PLXDC2: variants seen among roughly 807,000 people sequenced by gnomAD.
PLXDC2 encodes plexin domain containing 2.
In PLXDC2, 40 loss-of-function variants were observed where a neutral mutation model predicts 68.9. The observed-to-expected ratio is 0.58, with a 90% CI of 0.45 to 0.76. PLXDC2 has a LOEUF of 0.76. Ranked by LOEUF, PLXDC2 falls within the 30% of genes least tolerant of loss-of-function variation. The pLI is 0.00. For synonymous variants in PLXDC2, 243 were observed against 234.2 expected, an observed-to-expected ratio of 1.04 and a Z score of -0.34; for missense variants, 644 against 661.9, an observed-to-expected ratio of 0.97 and a Z score of 0.30.
In PLXDC2 at chr10:20,134,920, C is replaced by T. The variant is rs535954232; in HGVS notation, c.542-8375C>T. Among the ~76,000 whole-genome samples, 15 of 152,276 alleles carry T rather than the reference C, an allele frequency of 9.9e-5. No homozygotes were observed. In the South Asian group the frequency reaches 2.9e-3, roughly 29 times the overall value. On this transcript the variant is annotated intron_variant, in intron 4 of 13. Transcript: ENST00000377252. ...CTACAGCGAAACTTGGTGCTGCTCA[C>T]TTTACTCACCTGGAGGGTATATTTC...
At chr10:19,938,979 G>A (rs968178056) in intron 1 of PLXDC2, among the ~76,000 whole-genome samples, 1 of 152,090 alleles carries the variant, frequency 6.6e-6, no homozygotes, top group African/African-American at 2.4e-5. Context: ...GATAGAGTGG[G>A]CATGAAAAAA....
chr10:19,956,944 G>A (rs556186604), intron 1 of PLXDC2, among the ~76,000 whole-genome samples: 4 of 152,062 alleles, frequency 2.6e-5, no homozygotes, highest in African/African-American at 9.7e-5. Context: ...AGTGCTACTG[G>A]GAACAATTCT....
At chr10:20,112,028 C>T (rs1402382972) in intron 4 of PLXDC2, among the ~76,000 whole-genome samples, 1 of 152,046 alleles carries the variant, frequency 6.6e-6, no homozygotes. Context: ...TGCCCTCTTA[C>T]AAAGAGTCAT....
intron 4 of PLXDC2, among the ~76,000 whole-genome samples, chr10:20,120,903 GATGGAACCGCCATCA>G (rs1833688366): frequency 6.6e-6 from 1 of 152,178 alleles, no homozygotes; most frequent in Non-Finnish European, 1.5e-5. Flanking sequence ...AATTAGGCCT[GATGGAACCGCCATCA>G]ATAAATCAAG....
At chr10:20,194,439 A>G (rs2131842067) in intron 9 of PLXDC2, among the ~76,000 whole-genome samples, 1 of 152,156 alleles carries the variant, frequency 6.6e-6, no homozygotes, top group East Asian at 1.9e-4. Context: ...TTTGGTCAAA[A>G]TAAATTAATG....
At chr10:20,119,425 G>A (rs1455116668) in intron 4 of PLXDC2, among the ~76,000 whole-genome samples, 9 of 151,986 alleles carry the variant, frequency 5.9e-5, no homozygotes, top group Non-Finnish European at 1.3e-4. Flanking sequence ...GAGCTTGTGA[G>A]CCAGGATGAG....
intron 9 of PLXDC2, among the ~76,000 whole-genome samples, chr10:20,183,031 T>G (rs537973728): frequency 1.3e-5 from 2 of 152,140 alleles, no homozygotes; most frequent in Admixed American, 1.3e-4. Context: ...TTTCTTAGAT[T>G]TCTGTTTCAG....
At chr10:19,983,201 C>T (rs892286566) in intron 1 of PLXDC2, among the ~76,000 whole-genome samples, 3 of 152,046 alleles carry the variant, frequency 2.0e-5, no homozygotes, top group Non-Finnish European at 4.4e-5. Flanking sequence ...TTCTAATTAT[C>T]GGTAGTAGAT....
chr10:19,893,235 T>G (rs1004906447), intron 1 of PLXDC2, among the ~76,000 whole-genome samples: 2 of 152,166 alleles, frequency 1.3e-5, no homozygotes, highest in African/African-American at 4.8e-5. Flanking sequence ...AATGCTGAAT[T>G]GTAAGCCCCA....
chr10:19,938,278 T>C (rs1473267076), intron 1 of PLXDC2, among the ~76,000 whole-genome samples: 2 of 152,088 alleles, frequency 1.3e-5, no homozygotes, highest in African/African-American at 2.4e-5. Context: ...CCTGGTACCA[T>C]AGGAAGATAA....
chr10:20,152,772 C>A lies in PLXDC2; in HGVS notation c.783+4870C>A, dbSNP rs545882555. On this transcript the variant is annotated intron_variant, in intron 6 of 13. Transcript: ENST00000377252. Reference sequence around the variant, plus strand: ...TCTATCACCTGTTTTCTTTTTATTTCCTCTAGATTTTCATTCATTGGTCAT... The same window carrying A: ...TCTATCACCTGTTTTCTTTTTATTTACTCTAGATTTTCATTCATTGGTCAT... 2.6e-4 allele frequency among the ~76,000 whole-genome samples: 40 copies of A among 152,082 alleles called. No individual in the cohort carries two copies. In the South Asian group the frequency reaches 5.8e-3, roughly 22 times the overall value.
chr10:19,923,840 G>A (rs1833499172), intron 1 of PLXDC2, among the ~76,000 whole-genome samples: 1 of 152,196 alleles, frequency 6.6e-6, no homozygotes, highest in South Asian at 2.1e-4. Flanking sequence ...AAGGCTGGTG[G>A]ATTGCTTGAG....
rs144261655 is a variant in PLXDC2 at position 20,154,375 on chromosome 10, G to A, written c.783+6473G>A. 4.5e-3 allele frequency among the ~76,000 whole-genome samples: 688 copies of A among 152,050 alleles called. 8 individuals carry two copies. Among genetic ancestry groups the A allele is most frequent in the African/African-American group, 0.016 (656 of 41,504 alleles). ...AGGTCAGGAGTTGGAGACCAGCCTG[G>A]CAACATGGTGTAACCCTGTCTCTAC... On this transcript the variant is annotated intron_variant, in intron 6 of 13. Transcript: ENST00000377252.
intron 1 of PLXDC2, among the ~76,000 whole-genome samples, chr10:19,841,272 C>G (rs1271887012): frequency 6.6e-6 from 1 of 152,122 alleles, no homozygotes; most frequent in Non-Finnish European, 1.5e-5. Context: ...AAAATCAGCC[C>G]ATGCCCATTC....
At chr10:20,014,464 TCTTTCTTTTTTTTC>T (rs1173359647) in intron 2 of PLXDC2, among the ~76,000 whole-genome samples, 1 of 151,080 alleles carries the variant, frequency 6.6e-6, no homozygotes, top group Non-Finnish European at 1.5e-5. Flanking sequence ...TCTCTTTCTT[TCTTTCTTTTTTTTC>T]CTTTCTTTCT....
intron 11 of PLXDC2, among the ~76,000 whole-genome samples, chr10:20,217,998 A>T (rs1182483129): frequency 6.6e-6 from 1 of 152,160 alleles, no homozygotes; most frequent in East Asian, 1.9e-4. Context: ...CTATTAATAT[A>T]TAATTCTAAT....
At chr10:19,891,201 A>G (rs946731916) in intron 1 of PLXDC2, among the ~76,000 whole-genome samples, 1 of 152,212 alleles carries the variant, frequency 6.6e-6, no homozygotes, top group Non-Finnish European at 1.5e-5. Flanking sequence ...AAAAACAACA[A>G]AAAAGTATTG....
At chr10:19,856,873 G>A (rs1024461484) in intron 1 of PLXDC2, among the ~76,000 whole-genome samples, 5 of 152,076 alleles carry the variant, frequency 3.3e-5, no homozygotes, top group Admixed American at 1.3e-4. Flanking sequence ...TGGTTACAGG[G>A]ATAAAGAAAT....
intron 12 of PLXDC2, among the ~76,000 whole-genome samples, chr10:20,222,290 A>T (rs1411703499): frequency 6.6e-6 from 1 of 152,212 alleles, no homozygotes; most frequent in African/African-American, 2.4e-5. Context: ...TGACATGATT[A>T]TACATTCAGT....
Sources: allele counts gnomAD v4.1 joint callset (sites outside exome capture counted in the v4.1 genomes callset), GRCh38; gene constraint gnomAD v4.1.1; transcripts MANE v1.5; gene names NCBI Gene and HGNC (gene_info 2026-07-23, HGNC 2026-07-21).